Variants in TUBA8 observed in about 807,000 individuals in gnomAD.
TUBA8 encodes the protein tubulin alpha 8.
In TUBA8, 29 loss-of-function variants were observed where a neutral mutation model predicts 34.7. That is an observed-to-expected ratio of 0.84 (90% CI 0.62 to 1.14). The LOEUF (loss-of-function observed/expected upper bound fraction) is 1.14. Among genes scored for constraint, TUBA8 ranks in the 50% most tolerant of loss-of-function variants. The pLI, the probability that TUBA8 is intolerant of heterozygous loss-of-function variation, is 0.00. For missense variants in TUBA8, 541 were observed against 599.2 expected (o/e 0.90, Z 1.01); for synonymous variants, 226 against 231.2 (o/e 0.98, Z 0.21).
Position 18,124,810 on chromosome 22 carries a change from G to C in TUBA8, c.375+506G>C, listed in dbSNP as rs556297920. ...TCAATATCTTAGCCTGGGTCACACA[G>C]CTAAAAAGTGGCAGAGCTGGGGTTT... On this transcript the variant is annotated intron_variant, in intron 3 of 4. Coordinates refer to ENST00000330423, the MANE Select transcript of TUBA8 (RefSeq NM_018943.3). This position sits in a 1 kb window ranked among gnomAD's most constrained non-coding sequence, Gnocchi z 4.3. The C allele has an allele frequency of 1.3e-5, 2 of 155,442 alleles. No individual in the cohort carries two copies. The highest frequency in any genetic ancestry group is 6.2e-5 in the Admixed American group (1 of 16,120). The allele number at this position is 155,442 out of a possible 1,614,324, so 9.6% of individuals were successfully genotyped here.
intron 1 of TUBA8, chr22:18,114,556 C>T (rs1278298677): frequency 6.6e-6 from 1 of 152,242 alleles, no homozygotes. Flanking sequence ...CCTTCAGGAG[C>T]CACATCTGTC....
chr22:18,115,589 T>C (rs1927943507), intron 1 of TUBA8: 1 of 152,314 alleles, frequency 6.6e-6, no homozygotes, highest in Non-Finnish European at 1.5e-5. Flanking sequence ...GCAGCTATAA[T>C]ACGGTGTGAT....
Position 18,131,291 on chromosome 22 carries a change from G to A in TUBA8, c.*155G>A. ...CCAGTACCCAGGGTGGCACGACTGG[G>A]CTAAGTGGACACTGAGCTTCATCAG... On this transcript the variant is annotated 3_prime_UTR_variant, in exon 5 of 5. Transcript: ENST00000330423. This position sits in a 1 kb window ranked among gnomAD's most constrained non-coding sequence, Gnocchi z 5.3. 1.3e-6 allele frequency: 1 copy of A among 744,102 alleles called. No homozygotes were observed. The highest frequency in any genetic ancestry group is 3.8e-4 in the Middle Eastern group (1 of 2,648). The allele number at this position is 744,102 out of a possible 1,614,324, so 46.1% of individuals were successfully genotyped here. A position where few individuals can be genotyped will look rare whatever the true frequency, so the allele number is the denominator to read the frequency against.
intron 1 of TUBA8, chr22:18,112,172 A>C (rs1231739709): frequency 6.6e-6 from 1 of 152,162 alleles, no homozygotes; most frequent in African/African-American, 2.4e-5. Context: ...TGTTTGTTTT[A>C]CCTGCGAAAT....
Position 18,111,069 on chromosome 22 carries a change from C to T in TUBA8, c.3+201C>T. The T allele has an allele frequency of 8.2e-6, 6 of 731,356 alleles. No individual in the cohort carries two copies. The highest frequency in any genetic ancestry group is 1.8e-5 in the South Asian group (1 of 56,758). 45.3% of individuals were successfully genotyped at this position (731,356 alleles called of 1,614,324 possible). A position where few individuals can be genotyped will look rare whatever the true frequency, so the allele number is the denominator to read the frequency against. ...CTTTATCGTATGGGGGAAATAGAGA[C>T]CAGGGGCCAGTTGTTCCTTAAAGGG... On this transcript the variant is annotated intron_variant, in intron 1 of 4. Transcript: ENST00000330423. This position sits in a 1 kb window ranked among gnomAD's most constrained non-coding sequence, Gnocchi z 5.1.
At chr22:18,112,886 A>C (rs1350696317) in intron 1 of TUBA8, 1 of 152,228 alleles carries the variant, frequency 6.6e-6, no homozygotes, top group Admixed American at 6.5e-5. Flanking sequence ...AAAATGACAC[A>C]TCTATAAACC....
rs1216740506 is a variant in TUBA8, at chr22:18,124,511, C to T, written c.375+207C>T. 4 of 595,162 alleles carry T rather than the reference C, an allele frequency of 6.7e-6. No homozygotes were observed. The African/African-American group carries it at 7.4e-5, about 11-fold the overall frequency. The allele number at this position is 595,162 out of a possible 1,614,324, so 36.9% of individuals were successfully genotyped here. On this transcript the variant is annotated intron_variant, in intron 3 of 4. Coordinates refer to ENST00000330423, the MANE Select transcript of TUBA8 (RefSeq NM_018943.3). The surrounding 1 kb of genome is among the most constrained non-coding windows in gnomAD (Gnocchi z 4.3). ...TGTGTTGGCATCATAGACTGTGTTCCAGGCTGAGGCCCTACTCATACTCAT... is the reference window on the plus strand; with the variant it reads ...TGTGTTGGCATCATAGACTGTGTTCTAGGCTGAGGCCCTACTCATACTCAT...
Position 18,118,353 on chromosome 22 carries a change from C to T in TUBA8, c.4-3126C>T, listed in dbSNP as rs1352117036. 1 of 152,232 alleles carries T rather than the reference C, an allele frequency of 6.6e-6. No homozygotes were observed. Among genetic ancestry groups the T allele is most frequent in the Non-Finnish European group, 1.5e-5 (1 of 68,062 alleles). 9.4% of individuals were successfully genotyped at this position (152,232 alleles called of 1,614,324 possible). On this transcript the variant is annotated intron_variant, in intron 1 of 4. Coordinates refer to ENST00000330423, the MANE Select transcript of TUBA8 (RefSeq NM_018943.3). The surrounding 1 kb of genome is among the most constrained non-coding windows in gnomAD (Gnocchi z 4.0). ...TGGATAGGGACAAATGAGTTTTTCTCTGGGGGTTTTCTTTGAGGACTTGTG... is the reference window on the plus strand; with the variant it reads ...TGGATAGGGACAAATGAGTTTTTCTTTGGGGGTTTTCTTTGAGGACTTGTG...
chr22:18,122,517 G>C (rs1928177119), intron 2 of TUBA8: 1 of 152,360 alleles, frequency 6.6e-6, no homozygotes, highest in Admixed American at 6.5e-5. Context: ...AAGAGAAGAG[G>C]TGACATAGTT....
At chr22:18,115,979 C>T (rs1426573170) in intron 1 of TUBA8, 1 of 152,256 alleles carries the variant, frequency 6.6e-6, no homozygotes, top group East Asian at 1.9e-4. Context: ...CAGAACTTGT[C>T]TGAGCTCTAC....
At position 18,124,321 on chromosome 22, in the gene TUBA8, A is replaced by C. The variant is rs1422567922; in HGVS notation, c.375+17A>C. 6.2e-7 allele frequency: 1 copy of C among 1,609,282 alleles called. No homozygotes were observed. Among genetic ancestry groups the C allele is most frequent in the Admixed American group, 1.7e-5 (1 of 59,584 alleles). On this transcript the variant is annotated intron_variant, in intron 3 of 4. Transcript: ENST00000330423. This position sits in a 1 kb window ranked among gnomAD's most constrained non-coding sequence, Gnocchi z 4.3. Reference sequence around the variant, plus strand: ...CGGAAGCTGGTAAGATCAGGAGGGCAGGGGACGGGTGGGTCAGGCTGGAGT... The same window carrying C: ...CGGAAGCTGGTAAGATCAGGAGGGCCGGGGACGGGTGGGTCAGGCTGGAGT...
In TUBA8 at chr22:18,126,546, A is replaced by G; in HGVS notation, c.568A>G (p.Thr190Ala). 2 of 1,614,038 alleles carry G rather than the reference A, an allele frequency of 1.2e-6. No individual in the cohort carries two copies. The highest frequency in any genetic ancestry group is 1.7e-6 in the Non-Finnish European group (2 of 1,180,016). ...GGTGGAGCCCTACAACTCCATCCTGACCACCCACACCACACTGGAACATTC... is the reference window on the plus strand; with the variant it reads ...GGTGGAGCCCTACAACTCCATCCTGGCCACCCACACCACACTGGAACATTC... ...AVVEPYNSIL[T>A]THTTLEHSDC... The change falls in exon 4 of 5, where the codon ACC becomes GCC. Residue 190 changes from threonine (T) to alanine (A), a missense_variant. Coordinates refer to ENST00000330423, the MANE Select transcript of TUBA8 (RefSeq NM_018943.3). The surrounding 1 kb of genome is among the most constrained non-coding windows in gnomAD (Gnocchi z 4.0).
chr22:18,126,932 C>T lies in TUBA8; in HGVS notation c.954C>T (p.Leu318=), dbSNP rs2234334. ...GCAAGTACATGGCCTGCTGCATGCT[C>T]TACCGGGGCGACGTGGTGCCCAAGG... The part of the protein sequence containing the change: ...RHGKYMACCM[L]YRGDVVPKDV... The change falls in exon 4 of 5, where the codon CTC becomes CTT. Residue 318 remains leucine, a synonymous_variant. Coordinates refer to ENST00000330423, the MANE Select transcript of TUBA8 (RefSeq NM_018943.3). This position sits in a 1 kb window ranked among gnomAD's most constrained non-coding sequence, Gnocchi z 4.0. The T allele has an allele frequency of 4.3e-6, 7 of 1,612,948 alleles. No homozygotes were observed. The highest frequency in any genetic ancestry group is 5.9e-6 in the Non-Finnish European group (7 of 1,179,326).
intron 4 of TUBA8, 33 bp from the exon 5 acceptor site, chr22:18,130,809 CT>C: frequency 1.9e-6 from 3 of 1,612,818 alleles, no homozygotes; most frequent in Non-Finnish European, 2.5e-6. Context: ...CTTGTATCTT[CT>C]TCTGTGGCTC....
chr22:18,130,815 T>C (rs1928476009), intron 4 of TUBA8, 28 bp from the exon 5 acceptor site: 1 of 1,612,826 alleles, frequency 6.2e-7, no homozygotes, highest in Non-Finnish European at 8.5e-7. Flanking sequence ...TCTTCTTCTG[T>C]GGCTCCTCCT....
chr22:18,131,414 C>T lies in TUBA8; in HGVS notation c.*278C>T. The T allele has an allele frequency of 2.2e-6, 1 of 445,116 alleles. No homozygotes were observed. Among genetic ancestry groups the T allele is most frequent in the Non-Finnish European group, 4.1e-6 (1 of 241,306 alleles). The allele number at this position is 445,116 out of a possible 1,614,324, so 27.6% of individuals were successfully genotyped here. On this transcript the variant is annotated 3_prime_UTR_variant, in exon 5 of 5. Coordinates refer to ENST00000330423, the MANE Select transcript of TUBA8 (RefSeq NM_018943.3). The surrounding 1 kb of genome is among the most constrained non-coding windows in gnomAD (Gnocchi z 5.3). ...CAGCCCAGTTTCACATGCGAGGAGG[C>T]CTAATCAGGAGTTTCAATTCCAGAT...
Position 18,121,259 on chromosome 22 carries a change from G to A in TUBA8, c.4-220G>A. On this transcript the variant is annotated intron_variant, in intron 1 of 4. Transcript: ENST00000330423. The surrounding 1 kb of genome is among the most constrained non-coding windows in gnomAD (Gnocchi z 4.8). ...TTTCCTGGTATAAAAGGTCAACCCT[G>A]GGAAGCAACCTTTAGAGCAAAGCAC... 1.7e-6 allele frequency: 1 copy of A among 576,814 alleles called. No homozygotes were observed. Among genetic ancestry groups the A allele is most frequent in the Middle Eastern group, 3.6e-4 (1 of 2,794 alleles). The allele number at this position is 576,814 out of a possible 1,614,324, so 35.7% of individuals were successfully genotyped here.
intron 1 of TUBA8, chr22:18,115,016 C>T (rs1361027703): frequency 6.6e-6 from 1 of 152,098 alleles, no homozygotes; most frequent in Non-Finnish European, 1.5e-5. Context: ...AAAAGGGCTG[C>T]AAAGTTCTAG....
chr22:18,115,696 A>C (rs552529699), intron 1 of TUBA8: 16 of 152,368 alleles, frequency 1.1e-4, no homozygotes, highest in African/African-American at 3.8e-4. Flanking sequence ...GTGACAATTA[A>C]CTGGATACCT....
Sources: gnomAD v4.1 joint callset for allele counts on GRCh38, gnomAD v4.1.1 for gene constraint, Gnocchi (gnomAD v3.1) non-coding constraint, MANE v1.5 for transcripts, NCBI Gene and HGNC (gene_info 2026-07-23, HGNC 2026-07-21) for gene names.